The following ELOVL6 variants were observed in gnomAD, a reference collection of about 807,000 sequenced individuals.
ELOVL6 encodes the protein very long chain fatty acid elongase 6.
In ELOVL6, 8 loss-of-function variants were observed where a neutral mutation model predicts 31.7. The ratio of observed to expected loss-of-function variants is 0.25; its 90% CI spans 0.15 to 0.45. ELOVL6 has a LOEUF of 0.45. ELOVL6 is among the 20% of genes least tolerant of loss of function. The pLI is 1.00. For synonymous variants in ELOVL6, 101 were observed against 117.7 expected (o/e 0.86, Z 0.92); for missense variants, 126 against 326.4 (o/e 0.39, Z 4.73).
chr4:110,152,201 A>G (rs2126265768), intron 1 of ELOVL6, among the ~76,000 whole-genome samples: 1 of 152,314 alleles, frequency 6.6e-6, no homozygotes, highest in African/African-American at 2.4e-5. Flanking sequence ...AAGTTTCCTT[A>G]AAGACTATCA....
intron 2 of ELOVL6, among the ~76,000 whole-genome samples, chr4:110,084,335 C>A (rs868200771): frequency 1.3e-4 from 8 of 62,934 alleles, no homozygotes; most frequent in East Asian, 9.2e-4. Flanking sequence ...TGATATATAT[C>A]ACATATATGA....
At chr4:110,096,907 T>C (rs1756594888) in intron 2 of ELOVL6, among the ~76,000 whole-genome samples, 1 of 152,120 alleles carries the variant, frequency 6.6e-6, no homozygotes, top group Non-Finnish European at 1.5e-5. Context: ...ACCAACAAAA[T>C]TGGTATTAAT....
At position 110,051,275 on chromosome 4, in the gene ELOVL6, T is replaced by C; in HGVS notation, c.*63A>G. 2.6e-6 allele frequency: 4 copies of C among 1,520,998 alleles called. No homozygotes were observed. Among genetic ancestry groups the C allele is most frequent in the Non-Finnish European group, 2.7e-6 (3 of 1,119,088 alleles). The allele number at this position is 1,520,998 out of a possible 1,614,324, so 94.2% of individuals were successfully genotyped here. ...GCACCACGTGTGATTCCTTGTGCCA[T>C]TTTCTTTTGTCTATTATTTTTCTTG... On this transcript the variant is annotated 3_prime_UTR_variant, in exon 4 of 4. Coordinates refer to ENST00000302274, the MANE Select transcript of ELOVL6 (RefSeq NM_024090.3). This position sits in a 1 kb window ranked among gnomAD's most constrained non-coding sequence, Gnocchi z 4.8.
chr4:110,084,046 A>ATATATG (rs1449767120), intron 2 of ELOVL6, among the ~76,000 whole-genome samples: 1 of 101,534 alleles, frequency 9.8e-6, no homozygotes, highest in Non-Finnish European at 2.1e-5. Context: ...TATATAACAC[A>ATATATG]TGCTATATAT....
At chr4:110,196,965 C>A (rs572207182) in intron 1 of ELOVL6, among the ~76,000 whole-genome samples, 3 of 152,336 alleles carry the variant, frequency 2.0e-5, no homozygotes, top group Admixed American at 1.3e-4. Context: ...AAGTTGAAAC[C>A]CCCTTTTCGC....
At chr4:110,126,116 T>G (rs1757488856) in intron 1 of ELOVL6, among the ~76,000 whole-genome samples, 1 of 152,028 alleles carries the variant, frequency 6.6e-6, no homozygotes, top group African/African-American at 2.4e-5. Context: ...TGATCTTGGC[T>G]CACTGCAACC....
intron 1 of ELOVL6, among the ~76,000 whole-genome samples, chr4:110,143,604 C>G (rs949139012): frequency 7.9e-5 from 12 of 151,928 alleles, no homozygotes; most frequent in African/African-American, 2.9e-4. Flanking sequence ...ATCTGTGTTT[C>G]TACATACAGA....
chr4:110,158,635 G>GTATGTATA (rs1553961433), intron 1 of ELOVL6, among the ~76,000 whole-genome samples: 46 of 81,544 alleles, frequency 5.6e-4, no homozygotes, highest in East Asian at 1.1e-3. Context: ...ATATACACGT[G>GTATGTATA]TATATATATA....
chr4:110,132,731 T>C (rs1190359056), intron 1 of ELOVL6, among the ~76,000 whole-genome samples: 2 of 151,962 alleles, frequency 1.3e-5, no homozygotes, highest in African/African-American at 2.4e-5. Context: ...TCCCAGCTAC[T>C]TGGGAGGCTG....
At chr4:110,091,569 C>G (rs943151303) in intron 2 of ELOVL6, among the ~76,000 whole-genome samples, 4 of 152,142 alleles carry the variant, frequency 2.6e-5, no homozygotes, top group Non-Finnish European at 5.9e-5. Flanking sequence ...ATCCCTGCCC[C>G]CTGCATAAGA....
chr4:110,179,583 T>C (rs1378204523), intron 1 of ELOVL6, among the ~76,000 whole-genome samples: 1 of 152,164 alleles, frequency 6.6e-6, no homozygotes, highest in African/African-American at 2.4e-5. Flanking sequence ...ATTTTCATTT[T>C]CACATGAAAA....
intron 2 of ELOVL6, among the ~76,000 whole-genome samples, chr4:110,088,415 T>G (rs1214194017): frequency 3.9e-5 from 6 of 152,154 alleles, no homozygotes; most frequent in Non-Finnish European, 8.8e-5. Context: ...CACATTTCTG[T>G]TCATGTCTTC....
chr4:110,101,835 T>C (rs1297363831), intron 2 of ELOVL6, among the ~76,000 whole-genome samples: 1 of 152,106 alleles, frequency 6.6e-6, no homozygotes, highest in Admixed American at 6.5e-5. Context: ...ACACCATGCC[T>C]GGCTAATTTT....
At chr4:110,090,666 A>G (rs565107008) in intron 2 of ELOVL6, among the ~76,000 whole-genome samples, 1 of 137,146 alleles carries the variant, frequency 7.3e-6, no homozygotes, top group South Asian at 2.3e-4. Flanking sequence ...GTGCAGTGGC[A>G]TGATCTCAGC....
intron 2 of ELOVL6, among the ~76,000 whole-genome samples, chr4:110,099,741 T>C (rs2126243753): frequency 6.6e-6 from 1 of 152,344 alleles, no homozygotes; most frequent in East Asian, 1.9e-4. Context: ...TAGAGGCTCC[T>C]TGAATCAGAA....
At chr4:110,117,623 G>A (rs1176754207) in intron 1 of ELOVL6, 2 of 151,632 alleles carry the variant, frequency 1.3e-5, no homozygotes, top group Non-Finnish European at 2.9e-5. Flanking sequence ...TGCCTCTCCT[G>A]AATGAAGGTC....
At chr4:110,084,821 T>G (rs1395688727) in intron 2 of ELOVL6, among the ~76,000 whole-genome samples, 1 of 151,330 alleles carries the variant, frequency 6.6e-6, no homozygotes, top group East Asian at 2.0e-4. Context: ...TCTCGAACTC[T>G]TGACCTCATG....
At chr4:110,158,635 GTATATATA>G (rs780807092) in intron 1 of ELOVL6, among the ~76,000 whole-genome samples, 17 of 81,570 alleles carry the variant, frequency 2.1e-4, no homozygotes, top group African/African-American at 7.6e-4. Context: ...ATATACACGT[GTATATATA>G]TATATATATA....
chr4:110,166,078 G>A (rs1198553791), intron 1 of ELOVL6, among the ~76,000 whole-genome samples: 3 of 152,118 alleles, frequency 2.0e-5, no homozygotes, highest in African/African-American at 7.2e-5. Context: ...TGATCTGGAG[G>A]AAAGATACTG....
Sources: gnomAD v4.1 joint callset for allele counts (sites outside exome capture counted in the v4.1 genomes callset) on GRCh38, gnomAD v4.1.1 for gene constraint, Gnocchi (gnomAD v3.1) non-coding constraint, MANE v1.5 for transcripts, NCBI Gene and HGNC (gene_info 2026-07-23, HGNC 2026-07-21) for gene names.